CSMD2: variants seen among roughly 807,000 people sequenced by gnomAD.
CSMD2 encodes the protein CUB and sushi domain-containing protein 2.
A neutral mutation model predicts 398.5 loss-of-function variants in CSMD2; 130 were observed. The ratio of observed to expected loss-of-function variants is 0.33; its 90% CI spans 0.28 to 0.38. The LOEUF is 0.38. Among genes scored for constraint, CSMD2 ranks in the 10% least tolerant of loss-of-function variants. The probability of loss-of-function intolerance (pLI) is 1.00; values close to 1 mark genes in which losing one functional copy is unlikely to be tolerated. For missense variants in CSMD2, 3,829 were observed against 4,764.9 expected, an observed-to-expected ratio of 0.80 and a Z score of 5.78; for synonymous variants, 1,828 against 1,908.5, an observed-to-expected ratio of 0.96 and a Z score of 1.10.
chr1:34,112,863 C>G (rs1332209819), intron 1 of CSMD2: 1 of 152,118 alleles, frequency 6.6e-6, no homozygotes, highest in Non-Finnish European at 1.5e-5. Context: ...CTGACCCTTC[C>G]CTGACAATGC....
chr1:33,766,809 A>C (rs72879520), intron 13 of CSMD2, among the ~76,000 whole-genome samples: 1 of 152,266 alleles, frequency 6.6e-6, no homozygotes, highest in Non-Finnish European at 1.5e-5. Flanking sequence ...TAGAAAAGTG[A>C]AAGTAGATAA....
chr1:33,985,351 A>G (rs904716338), intron 3 of CSMD2, among the ~76,000 whole-genome samples: 1 of 152,148 alleles, frequency 6.6e-6, no homozygotes, highest in African/African-American at 2.4e-5. Flanking sequence ...TGCCAGGCAC[A>G]CTAATTAGTG....
intron 22 of CSMD2, 79 bp downstream of exon 22, chr1:33,709,010 C>T: frequency 7.8e-7 from 1 of 1,287,540 alleles, no homozygotes; most frequent in Non-Finnish European, 1.1e-6. Flanking sequence ...TTGGATCATT[C>T]ACACAGAGAC....
At chr1:33,827,910 A>G (rs900219458) in intron 6 of CSMD2, among the ~76,000 whole-genome samples, 1 of 152,166 alleles carries the variant, frequency 6.6e-6, no homozygotes, top group African/African-American at 2.4e-5. Flanking sequence ...TCTGCTCCCA[A>G]GCTCAGGCTC....
At chr1:33,775,382 C>T (rs1335985226) in intron 12 of CSMD2, among the ~76,000 whole-genome samples, 1 of 152,124 alleles carries the variant, frequency 6.6e-6, no homozygotes, top group Non-Finnish European at 1.5e-5. Flanking sequence ...AAAAAATTTG[C>T]ATTAAGTGTT....
chr1:33,928,810 C>T lies in CSMD2; in HGVS notation c.712+6950G>A, dbSNP rs573697640. Among the ~76,000 whole-genome samples the T allele has an allele frequency of 4.6e-5, 7 of 152,324 alleles. No homozygotes were observed. The South Asian group carries it at 1.0e-3, about 23-fold the overall frequency. On this transcript the variant is annotated intron_variant, in intron 4 of 70. Coordinates refer to ENST00000373381, the MANE Select transcript of CSMD2 (RefSeq NM_001281956.2). ...AATCACTCAAGGTGCACACTGCACC[C>T]GGCATAGTGTTTAGTGCCTTCTCCA...
Position 33,725,506 on chromosome 1 carries a change from C to T in CSMD2, c.2538G>A (p.Leu846=). 6.2e-7 allele frequency: 1 copy of T among 1,614,202 alleles called. No homozygotes were observed. The highest frequency in any genetic ancestry group is 1.3e-5 in the African/African-American group (1 of 75,050). Reference sequence around the variant, plus strand: ...AGTAAGTCCGCCCATCGCGTACTTCCAGGGTGTCATAGTTGACCTCGGTTT... The same window carrying T: ...AGTAAGTCCGCCCATCGCGTACTTCTAGGGTGTCATAGTTGACCTCGGTTT... The part of the protein sequence containing the change: ...RFKTEVNYDT[L]EVRDGRTYSA... The change falls in exon 17 of 71, where the codon CTG becomes CTA. Residue 846 remains leucine, a synonymous_variant. Transcript: ENST00000373381.
intron 4 of CSMD2, among the ~76,000 whole-genome samples, chr1:33,935,368 G>A (rs1644443761): frequency 6.6e-6 from 1 of 152,168 alleles, no homozygotes; most frequent in South Asian, 2.1e-4. Flanking sequence ...ATAGGAAAGA[G>A]AAAAGAATAA....
At chr1:33,859,516 G>A (rs1247150204) in intron 5 of CSMD2, among the ~76,000 whole-genome samples, 3 of 152,326 alleles carry the variant, frequency 2.0e-5, no homozygotes, top group South Asian at 4.1e-4. Context: ...AATCCTTAGA[G>A]TAATCTTATC....
At chr1:34,111,982 T>TTCTCTC (rs6143186) in intron 1 of CSMD2, among the ~76,000 whole-genome samples, 5 of 149,802 alleles carry the variant, frequency 3.3e-5, no homozygotes, top group African/African-American at 1.2e-4. Flanking sequence ...TTCTTTCAAA[T>TTCTCTC]TCTCTCTCTC....
At chr1:33,688,920 C>T (rs1645142987) in intron 25 of CSMD2, among the ~76,000 whole-genome samples, 1 of 151,804 alleles carries the variant, frequency 6.6e-6, no homozygotes, top group Non-Finnish European at 1.5e-5. Context: ...CACAAAGGGG[C>T]TTTTTGTGTT....
intron 21 of CSMD2, among the ~76,000 whole-genome samples, chr1:33,711,540 T>A (rs1046787087): frequency 1.3e-5 from 2 of 152,182 alleles, no homozygotes; most frequent in Non-Finnish European, 2.9e-5. Flanking sequence ...TGAATCTACA[T>A]GGATTACCTG....
In CSMD2 at chr1:33,907,017, C is replaced by T. The variant is rs1318480008; in HGVS notation, c.920+11077G>A. Among the ~76,000 whole-genome samples, 4 of 151,922 alleles carry T rather than the reference C, an allele frequency of 2.6e-5. 1 individual carries two copies. Among genetic ancestry groups the T allele is most frequent in the African/African-American group, 9.7e-5 (4 of 41,420 alleles). ...ACAGTGTAAAGTAATGCAGAAATGT[C>T]CAGAAGGTGAGACCTGAAAAACGCC... On this transcript the variant is annotated intron_variant, in intron 5 of 70. Coordinates refer to ENST00000373381, the MANE Select transcript of CSMD2 (RefSeq NM_001281956.2).
intron 2 of CSMD2, among the ~76,000 whole-genome samples, chr1:34,073,334 C>T (rs1183253598): frequency 1.3e-5 from 2 of 152,200 alleles, no homozygotes; most frequent in East Asian, 3.9e-4. Context: ...TTATTAAACC[C>T]TTGTGTGTTT....
rs778689826 is a variant in CSMD2, at chr1:33,600,926, C to G, written c.6795G>C (p.Gln2265His). The change falls in exon 44 of 71, where the codon CAG becomes CAC. Residue 2265 changes from glutamine (Q) to histidine (H), a missense_variant. Transcript: ENST00000373381. ...CATCACGGTGGAACTTGAGCAGGAC[C>G]TGGTTGGATGAACTCTGCACTGTTT... ...AKKTVQSSSNQVLLKFHRDAA... is the reference protein window; with the variant it reads ...AKKTVQSSSNHVLLKFHRDAA... The G allele has an allele frequency of 3.7e-6, 6 of 1,614,122 alleles. No homozygotes were observed. The South Asian group carries it at 4.4e-5, about 12-fold the overall frequency.
Position 34,136,675 on chromosome 1 carries a change from A to T in CSMD2, c.187+28236T>A, listed in dbSNP as rs9919120. On this transcript the variant is annotated intron_variant, in intron 1 of 70. Coordinates refer to ENST00000373381, the MANE Select transcript of CSMD2 (RefSeq NM_001281956.2). Reference sequence around the variant, plus strand: ...AATAAAATTATCCAGTTCAGCCTTTATTACCATTTTTTGTCCAGCCAATCC... The same window carrying T: ...AATAAAATTATCCAGTTCAGCCTTTTTTACCATTTTTTGTCCAGCCAATCC... Among the ~76,000 whole-genome samples the T allele has an allele frequency of 1.8e-3, 269 of 152,284 alleles. 1 individual carries two copies. Among genetic ancestry groups the T allele is most frequent in the African/African-American group, 6.1e-3 (253 of 41,540 alleles).
Position 34,128,168 on chromosome 1 carries a change from C to G in CSMD2, c.187+36743G>C, listed in dbSNP as rs183640316. Among the ~76,000 whole-genome samples the G allele has an allele frequency of 1.8e-3, 268 of 152,234 alleles. 1 individual carries two copies. The highest frequency in any genetic ancestry group is 6.1e-3 in the African/African-American group (252 of 41,524). On this transcript the variant is annotated intron_variant, in intron 1 of 70. Transcript: ENST00000373381. ...ATTCCCTCTGGACTCTGAGCTCAAT[C>G]TGGACCTTTTTGAGGGCTTCTCTCC...
At chr1:33,869,860 T>C (rs1177358921) in intron 5 of CSMD2, among the ~76,000 whole-genome samples, 1 of 152,160 alleles carries the variant, frequency 6.6e-6, no homozygotes, top group Non-Finnish European at 1.5e-5. Flanking sequence ...TCATCAGTAA[T>C]AAAGGTGACA....
At chr1:33,894,676 G>A (rs188886338) in intron 5 of CSMD2, among the ~76,000 whole-genome samples, 1 of 152,076 alleles carries the variant, frequency 6.6e-6, no homozygotes, top group African/African-American at 2.4e-5. Context: ...TGTCACCTGT[G>A]CTTCCTAATA....
Sources: allele counts gnomAD v4.1 joint callset (sites outside exome capture counted in the v4.1 genomes callset), GRCh38; gene constraint gnomAD v4.1.1; transcripts MANE v1.5; gene names NCBI Gene and HGNC (gene_info 2026-07-23, HGNC 2026-07-21).